SEC14L5: variants seen among roughly 807,000 people sequenced by gnomAD.
SEC14L5 encodes SEC14 like lipid binding 5.
In SEC14L5, 96 loss-of-function variants were observed where a neutral mutation model predicts 84.6. The ratio of observed to expected loss-of-function variants is 1.13; its 90% CI spans 0.96 to 1.34. SEC14L5 has a LOEUF of 1.34. Ranked by LOEUF, SEC14L5 falls within the 40% of genes most tolerant of loss-of-function variation. The pLI is 0.00. For synonymous variants in SEC14L5, 546 were observed against 383.4 expected (o/e 1.42, Z -4.95); for missense variants, 1,224 against 942.5 (o/e 1.30, Z -3.91).
At chr16:4,996,279 C>A in intron 6 of SEC14L5, 69 bp from the exon 7 acceptor site, 4 of 946,394 alleles carry the variant, frequency 4.2e-6, no homozygotes, top group Admixed American at 2.1e-5. Flanking sequence ...TAAGGAATGG[C>A]ACACAGACCA....
At chr16:4,989,290 T>C (rs150413279) in intron 4 of SEC14L5, among the ~76,000 whole-genome samples, 1 of 148,734 alleles carries the variant, frequency 6.7e-6, no homozygotes, top group East Asian at 2.2e-4. Flanking sequence ...TGGTAGACCA[T>C]TGTACGTGTT....
rs747334198 is a variant in SEC14L5, at chr16:5,008,594, G to A, written c.1746G>A (p.Arg582=). ...TCGACAAAGGCTGGGTCCTGGGCAG[G>A]GATTACAGCCGTGTGGAGGCTCCCC... ...QLIDKGWVLG[R]DYSRVEAPLV... is the part of the protein sequence containing the mutation. The change falls in exon 14 of 16, where the codon AGG becomes AGA. Residue 582 remains arginine (R), a synonymous_variant. Transcript: ENST00000251170. 4 of 1,604,142 alleles carry A rather than the reference G, an allele frequency of 2.5e-6. No homozygotes were observed. Among genetic ancestry groups the A allele is most frequent in the South Asian group, 2.2e-5 (2 of 89,412 alleles).
At chr16:4,967,242 C>G (rs190829633) in intron 2 of SEC14L5, among the ~76,000 whole-genome samples, 1 of 152,186 alleles carries the variant, frequency 6.6e-6, no homozygotes, top group Non-Finnish European at 1.5e-5. Flanking sequence ...CTCCCAGCCT[C>G]GGACAGTTCC....
At chr16:4,963,139 A>G (rs1419306884) in intron 2 of SEC14L5, among the ~76,000 whole-genome samples, 1 of 152,242 alleles carries the variant, frequency 6.6e-6, no homozygotes, top group Non-Finnish European at 1.5e-5. Context: ...TGACAATGAC[A>G]CAAATGACTG....
intron 8 of SEC14L5, among the ~76,000 whole-genome samples, chr16:4,997,391 C>T (rs900959265): frequency 2.6e-5 from 4 of 152,234 alleles, no homozygotes; most frequent in African/African-American, 9.6e-5. Context: ...TGAGCCACCG[C>T]ACCCGGCCCA....
At chr16:5,009,788 C>A (rs1473094615) in intron 14 of SEC14L5, among the ~76,000 whole-genome samples, 1 of 152,102 alleles carries the variant, frequency 6.6e-6, no homozygotes, top group Non-Finnish European at 1.5e-5. Flanking sequence ...TGCCTGCATA[C>A]ATTCAAGTGG....
intron 8 of SEC14L5, among the ~76,000 whole-genome samples, chr16:4,999,407 C>G (rs980822730): frequency 1.2e-4 from 18 of 152,170 alleles, no homozygotes; most frequent in Admixed American, 9.2e-4. Context: ...GAGTTCGAGA[C>G]CAGCCTGGGC....
Position 5,015,000 on chromosome 16 carries a change from C to G in SEC14L5, c.*30C>G, listed in dbSNP as rs544391160. 1 of 1,524,868 alleles carries G rather than the reference C, an allele frequency of 6.6e-7. No homozygotes were observed. The highest frequency in any genetic ancestry group is 9.0e-7 in the Non-Finnish European group (1 of 1,106,996). The allele number at this position is 1,524,868 out of a possible 1,614,324, so 94.5% of individuals were successfully genotyped here. A position where few individuals can be genotyped will look rare whatever the true frequency, so the allele number is the denominator to read the frequency against. ...GCCCAGTGTTTCAGGGCCGCCCGCT[C>G]GCCTCCAGTGTCCAGAAATGTCCAG... On this transcript the variant is annotated 3_prime_UTR_variant, in exon 16 of 16. Transcript: ENST00000251170.
intron 2 of SEC14L5, among the ~76,000 whole-genome samples, chr16:4,979,010 A>T (rs1272231151): frequency 6.6e-6 from 1 of 152,176 alleles, no homozygotes; most frequent in East Asian, 1.9e-4. Context: ...GAGCCACTTC[A>T]CCCGACCTCA....
At position 5,010,374 on chromosome 16, in the gene SEC14L5, AAC is replaced by A. The variant is rs201705828; in HGVS notation, c.1801-719_1801-718del. On this transcript the variant is annotated intron_variant, in intron 14 of 15. Transcript: ENST00000251170. ...GTGAAACTCCGTCTCAGAAAAAAAA[AAC>A]AAAACTGTAGTCTTGGAACAGAACT... 2.6e-3 allele frequency among the ~76,000 whole-genome samples: 390 copies of A among 152,090 alleles called. 4 individuals are homozygous for A. In the East Asian group the frequency reaches 0.036, roughly 14 times the overall value.
rs148324505 is a variant in SEC14L5 at position 4,978,793 on chromosome 16, G to T, written c.64-8764G>T. On this transcript the variant is annotated intron_variant, in intron 2 of 15. Transcript: ENST00000251170. ...AATCTTTTGTATTTTTAGTAGAGACGGGTTTCACCGCGTTAGCCAGGATGG... is the reference window on the plus strand; with the variant it reads ...AATCTTTTGTATTTTTAGTAGAGACTGGTTTCACCGCGTTAGCCAGGATGG... Among the ~76,000 whole-genome samples, 7 of 152,120 alleles carry T rather than the reference G, an allele frequency of 4.6e-5. No homozygotes were observed. The East Asian group carries it at 1.4e-3, about 30-fold the overall frequency.
intron 15 of SEC14L5, among the ~76,000 whole-genome samples, chr16:5,013,936 C>T (rs1251095405): frequency 6.6e-6 from 1 of 152,110 alleles, no homozygotes; most frequent in Non-Finnish European, 1.5e-5. Flanking sequence ...CAAGCGATCC[C>T]CCTGCCTCAG....
rs1224624800 is a variant in SEC14L5, at chr16:5,015,834, C to T, written c.*864C>T. On this transcript the variant is annotated 3_prime_UTR_variant, in exon 16 of 16. Transcript: ENST00000251170. ...ATCCTGAAGTGAAAATCCATGTTCC[C>T]TGCACTTGGCCAGCATGGCCTAAGC... The T allele has an allele frequency of 6.6e-6, 1 of 152,260 alleles. No individual in the cohort carries two copies. The highest frequency in any genetic ancestry group is 1.5e-5 in the Non-Finnish European group (1 of 68,054). The allele number at this position is 152,260 out of a possible 1,614,324, so 9.4% of individuals were successfully genotyped here.
rs142872227 is a variant in SEC14L5, at chr16:4,991,285, A to C, written c.474+390A>C. 1.9e-3 allele frequency among the ~76,000 whole-genome samples: 291 copies of C among 151,722 alleles called. 2 individuals are homozygous for C. The highest frequency in any genetic ancestry group is 6.6e-3 in the African/African-American group (272 of 41,328). ...ACAGATGAAATTAACTTTAATAACA[A>C]ATTTTTAAACAATGTGTTATCAATA... On this transcript the variant is annotated intron_variant, in intron 5 of 15. Coordinates refer to ENST00000251170, the MANE Select transcript of SEC14L5 (RefSeq NM_014692.2).
intron 8 of SEC14L5, among the ~76,000 whole-genome samples, chr16:4,998,686 C>T (rs1053254904): frequency 2.1e-5 from 3 of 139,724 alleles, no homozygotes; most frequent in Non-Finnish European, 3.0e-5. Context: ...TGCAGTGAGC[C>T]GAGATCCCGC....
chr16:5,013,621 C>T (rs146918008), intron 15 of SEC14L5, among the ~76,000 whole-genome samples: 22 of 137,554 alleles, frequency 1.6e-4, no homozygotes, highest in East Asian at 8.8e-4. Context: ...TACAGTGGCA[C>T]GATATCTACT....
chr16:4,981,232 G>A (rs1270100417), intron 2 of SEC14L5, among the ~76,000 whole-genome samples: 1 of 146,198 alleles, frequency 6.8e-6, no homozygotes, highest in East Asian at 2.0e-4. Flanking sequence ...TTACAGGCAT[G>A]CACCAGCACG....
intron 15 of SEC14L5, among the ~76,000 whole-genome samples, chr16:5,012,402 C>T (rs558145608): frequency 6.6e-6 from 1 of 152,256 alleles, no homozygotes; most frequent in East Asian, 1.9e-4. Flanking sequence ...CTGCCCTGTC[C>T]TCTTGTAGCC....
At chr16:4,997,246 C>T (rs1955622763) in intron 8 of SEC14L5, among the ~76,000 whole-genome samples, 1 of 152,126 alleles carries the variant, frequency 6.6e-6, no homozygotes, top group South Asian at 2.1e-4. Flanking sequence ...TTACAGGCAC[C>T]CGCCACCACA....
Sources: gnomAD v4.1 joint callset for allele counts (sites outside exome capture counted in the v4.1 genomes callset) on GRCh38, gnomAD v4.1.1 for gene constraint, MANE v1.5 for transcripts, NCBI Gene and HGNC (gene_info 2026-07-23, HGNC 2026-07-21) for gene names.